The following PRKG1 variants were observed in gnomAD, a reference collection of about 807,000 sequenced individuals.
PRKG1 encodes cGMP-dependent protein kinase 1.
A neutral mutation model predicts 88.1 loss-of-function variants in PRKG1; 35 were observed. That is an observed-to-expected ratio of 0.40 (90% CI 0.30 to 0.53). PRKG1 has a LOEUF of 0.53. Ranked by LOEUF, PRKG1 falls within the 20% of genes least tolerant of loss-of-function variation. The pLI, the probability that PRKG1 is intolerant of heterozygous loss-of-function variation, is 0.59. For missense variants in PRKG1, 540 were observed against 839.8 expected (o/e 0.64, Z 4.41); for synonymous variants, 303 against 292.5 (o/e 1.04, Z -0.37).
intron 3 of PRKG1, among the ~76,000 whole-genome samples, chr10:51,566,143 C>T (rs78605313): frequency 0.069 from 10,512 of 151,974 alleles, 1,186 homozygotes; most frequent in African/African-American, 0.24. Flanking sequence ...TGTTTGAGTC[C>T]TAAGGAGGGA....
intron 4 of PRKG1, among the ~76,000 whole-genome samples, chr10:51,901,700 T>A (rs1416534765): frequency 6.6e-6 from 1 of 152,204 alleles, no homozygotes; most frequent in Non-Finnish European, 1.5e-5. Flanking sequence ...TTCTTTAAAG[T>A]CTGAATGATT....
intron 7 of PRKG1, among the ~76,000 whole-genome samples, chr10:52,116,842 T>G (rs1847698339): frequency 6.6e-6 from 1 of 152,144 alleles, no homozygotes; most frequent in South Asian, 2.1e-4. Flanking sequence ...CCTCATTTTT[T>G]TTTTTAAAAG....
At chr10:51,717,361 G>A (rs1841911217) in intron 3 of PRKG1, among the ~76,000 whole-genome samples, 2 of 152,114 alleles carry the variant, frequency 1.3e-5, no homozygotes, top group South Asian at 4.1e-4. Flanking sequence ...ACCAAAGGAA[G>A]GATTTGTCAA....
chr10:51,560,739 C>T (rs556145890), intron 3 of PRKG1, among the ~76,000 whole-genome samples: 1 of 151,576 alleles, frequency 6.6e-6, no homozygotes, highest in African/African-American at 2.4e-5. Context: ...AAAATAAAGA[C>T]CAATTAGAAA....
intron 3 of PRKG1, among the ~76,000 whole-genome samples, chr10:51,633,077 T>C (rs562101004): frequency 6.6e-6 from 1 of 152,296 alleles, no homozygotes; most frequent in East Asian, 1.9e-4. Context: ...CAGCAAGTGA[T>C]TCTGACTAGC....
At chr10:51,451,566 T>C (rs1839438844) in intron 2 of PRKG1, among the ~76,000 whole-genome samples, 1 of 151,868 alleles carries the variant, frequency 6.6e-6, no homozygotes, top group African/African-American at 2.4e-5. Flanking sequence ...CAATATGAAT[T>C]TGACTCCAGA....
chr10:52,081,208 G>T (rs181279143), intron 7 of PRKG1, among the ~76,000 whole-genome samples: 11 of 152,204 alleles, frequency 7.2e-5, no homozygotes, highest in Admixed American at 3.3e-4. Context: ...AGTTAATGTG[G>T]TACAATAAAA....
chr10:52,068,588 G>T (rs1271589911), intron 7 of PRKG1, among the ~76,000 whole-genome samples: 1 of 152,138 alleles, frequency 6.6e-6, no homozygotes, highest in Non-Finnish European at 1.5e-5. Flanking sequence ...TACTTACAAA[G>T]AATTTGGGTG....
intron 1 of PRKG1, among the ~76,000 whole-genome samples, chr10:51,033,318 A>G (rs1014239088): frequency 2.0e-5 from 3 of 152,150 alleles, no homozygotes; most frequent in African/African-American, 4.8e-5. Flanking sequence ...GAAGACATTT[A>G]TTGAAAGCTT....
intron 5 of PRKG1, among the ~76,000 whole-genome samples, chr10:51,942,485 G>C (rs987869408): frequency 6.7e-6 from 1 of 150,330 alleles, no homozygotes; most frequent in Admixed American, 6.6e-5. Flanking sequence ...TTTTGGCTTT[G>C]GTTGCCATTG....
chr10:51,956,740 A>G (rs536819393), intron 5 of PRKG1, among the ~76,000 whole-genome samples: 1 of 151,462 alleles, frequency 6.6e-6, no homozygotes, highest in South Asian at 2.1e-4. Flanking sequence ...ATCCACAAAT[A>G]AATTTTAAGT....
At chr10:52,109,770 A>ATAAGAAAT (rs1847512831) in intron 7 of PRKG1, among the ~76,000 whole-genome samples, 7 of 152,046 alleles carry the variant, frequency 4.6e-5, no homozygotes, top group African/African-American at 1.5e-4. Flanking sequence ...CTCAAAAAAA[A>ATAAGAAAT]ATCTTATCTC....
intron 3 of PRKG1, among the ~76,000 whole-genome samples, chr10:51,799,318 A>G (rs931754176): frequency 3.3e-5 from 5 of 151,986 alleles, no homozygotes; most frequent in African/African-American, 1.2e-4. Flanking sequence ...TTTGCCATCT[A>G]ACCATTGTTG....
chr10:51,681,643 C>T (rs1589192218), intron 3 of PRKG1, among the ~76,000 whole-genome samples: 1 of 152,042 alleles, frequency 6.6e-6, no homozygotes, highest in East Asian at 1.9e-4. Context: ...GGATTTATGT[C>T]ATTTTAATAC....
intron 4 of PRKG1, among the ~76,000 whole-genome samples, chr10:51,858,324 TTATATATAA>T (rs1564678692): frequency 1.3e-4 from 1 of 7,804 alleles, no homozygotes; most frequent in East Asian, 6.5e-4. Context: ...ATAATATGTA[TTATATATAA>T]TATATATATT....
chr10:51,231,776 T>G (rs1838852785), intron 2 of PRKG1, among the ~76,000 whole-genome samples: 1 of 152,106 alleles, frequency 6.6e-6, no homozygotes, highest in Admixed American at 6.6e-5. Flanking sequence ...GATAAACTGA[T>G]CTGGTAGCTG....
At chr10:52,278,012 A>G (rs1051057451) in intron 12 of PRKG1, among the ~76,000 whole-genome samples, 10 of 151,980 alleles carry the variant, frequency 6.6e-5, no homozygotes, top group Admixed American at 1.3e-4. Flanking sequence ...CCTGATGTAA[A>G]TGAGTAAACA....
At chr10:51,342,054 C>T (rs1842015043) in intron 2 of PRKG1, among the ~76,000 whole-genome samples, 1 of 152,154 alleles carries the variant, frequency 6.6e-6, no homozygotes, top group African/African-American at 2.4e-5. Flanking sequence ...CAAACCATAT[C>T]AGTAACCGAT....
chr10:51,505,183 G>C (rs540458212), intron 3 of PRKG1, among the ~76,000 whole-genome samples: 151 of 151,976 alleles, frequency 9.9e-4, no homozygotes, highest in African/African-American at 2.0e-3. Context: ...TAGCATGAAG[G>C]GTTGTTGAAT....
Sources: gnomAD v4.1 joint callset for allele counts (sites outside exome capture counted in the v4.1 genomes callset) on GRCh38, gnomAD v4.1.1 for gene constraint, MANE v1.5 for transcripts, NCBI Gene and HGNC (gene_info 2026-07-23, HGNC 2026-07-21) for gene names.